Variants in GALNTL6 observed in about 807,000 individuals in gnomAD.
GALNTL6 encodes the protein polypeptide N-acetylgalactosaminyltransferase-like 6.
A neutral mutation model predicts 73.7 loss-of-function variants in GALNTL6; 46 were observed. The observed-to-expected ratio is 0.62, with a 90% CI of 0.49 to 0.80. The LOEUF (loss-of-function observed/expected upper bound fraction) is 0.80, where lower values mean the gene tolerates loss of function less well. Ranked by LOEUF, GALNTL6 falls within the 30% of genes least tolerant of loss-of-function variation. GALNTL6 has a pLI of 0.00. For synonymous variants in GALNTL6, 259 were observed against 263.7 expected (o/e 0.98, Z 0.17); for missense variants, 604 against 755.0 (o/e 0.80, Z 2.34).
rs1202548571 is a variant in GALNTL6 at position 172,049,511 on chromosome 4, G to A, written c.139-180145G>A. Among the ~76,000 whole-genome samples, 5 of 152,218 alleles carry A rather than the reference G, an allele frequency of 3.3e-5. No homozygotes were observed. The East Asian group carries it at 9.6e-4, about 29-fold the overall frequency. On this transcript the variant is annotated intron_variant, in intron 2 of 12. Coordinates refer to ENST00000506823, the MANE Select transcript of GALNTL6 (RefSeq NM_001034845.3). ...TTACTTAAATTATTAAATAGAAAAT[G>A]TAGTTTATCAGTAACAAGCCATATA... is the stretch of plus-strand genomic sequence containing the variant.
At chr4:171,897,117 A>G (rs1262546132) in intron 2 of GALNTL6, among the ~76,000 whole-genome samples, 1 of 152,136 alleles carries the variant, frequency 6.6e-6, no homozygotes, top group Admixed American at 6.5e-5. Flanking sequence ...AGTGTAAGTT[A>G]GAGACAAAAG....
intron 4 of GALNTL6, among the ~76,000 whole-genome samples, chr4:172,312,948 A>T (rs901308899): frequency 6.6e-6 from 1 of 152,162 alleles, no homozygotes; most frequent in South Asian, 2.1e-4. Flanking sequence ...TAACCAGCCA[A>T]ATTATCCCCA....
rs1330583766 is a variant in GALNTL6 at position 172,645,909 on chromosome 4, C to T, written c.554-163452C>T. On this transcript the variant is annotated intron_variant, in intron 5 of 12. Coordinates refer to ENST00000506823, the MANE Select transcript of GALNTL6 (RefSeq NM_001034845.3). ...ATTATTCCCTAAGTCTCTGAGTCTT[C>T]AGAGATAAGGATATTCCTTTCTCAG... 3.9e-5 allele frequency among the ~76,000 whole-genome samples: 6 copies of T among 152,010 alleles called. No individual in the cohort carries two copies. In the East Asian group the frequency reaches 1.2e-3, roughly 30 times the overall value.
chr4:172,942,360 T>C (rs565519353), intron 9 of GALNTL6, among the ~76,000 whole-genome samples: 6 of 152,346 alleles, frequency 3.9e-5, no homozygotes, highest in African/African-American at 9.6e-5. Flanking sequence ...CACAGTTTGT[T>C]TGAATGCTTG....
At chr4:172,270,802 A>G (rs1738620946) in intron 3 of GALNTL6, among the ~76,000 whole-genome samples, 1 of 151,182 alleles carries the variant, frequency 6.6e-6, no homozygotes, top group African/African-American at 2.4e-5. Flanking sequence ...CTATAGATAT[A>G]TAAAGGTATT....
At chr4:172,208,239 A>G (rs769663863) in intron 2 of GALNTL6, among the ~76,000 whole-genome samples, 1 of 152,232 alleles carries the variant, frequency 6.6e-6, no homozygotes, top group Non-Finnish European at 1.5e-5. Flanking sequence ...TTGAAAGCAT[A>G]CCTTTCCATT....
intron 2 of GALNTL6, among the ~76,000 whole-genome samples, chr4:172,205,418 T>G (rs1736077146): frequency 6.6e-6 from 1 of 152,200 alleles, no homozygotes; most frequent in African/African-American, 2.4e-5. Context: ...TCCACTTTTT[T>G]GGGAGAGATA....
chr4:172,591,194 A>G (rs1560824812), intron 5 of GALNTL6, among the ~76,000 whole-genome samples: 1 of 152,186 alleles, frequency 6.6e-6, no homozygotes, highest in East Asian at 1.9e-4. Flanking sequence ...ATTAAAGTTT[A>G]CTTTTAGGCA....
intron 5 of GALNTL6, among the ~76,000 whole-genome samples, chr4:172,739,246 G>A (rs1251756014): frequency 6.6e-6 from 1 of 152,154 alleles, no homozygotes; most frequent in Non-Finnish European, 1.5e-5. Context: ...ATACCAGTGA[G>A]ATTGTGGATG....
At chr4:172,721,133 A>G (rs182569631) in intron 5 of GALNTL6, among the ~76,000 whole-genome samples, 164 of 152,362 alleles carry the variant, frequency 1.1e-3, no homozygotes, top group South Asian at 2.9e-3. Flanking sequence ...GGATGCTTCT[A>G]AATTGCTTTG....
At chr4:172,332,303 T>C (rs1304418171) in intron 4 of GALNTL6, among the ~76,000 whole-genome samples, 2 of 152,174 alleles carry the variant, frequency 1.3e-5, no homozygotes, top group Non-Finnish European at 2.9e-5. Context: ...GGCATAATTA[T>C]CTAGTCAGAG....
intron 5 of GALNTL6, among the ~76,000 whole-genome samples, chr4:172,453,215 A>G (rs1561089817): frequency 6.6e-6 from 1 of 152,258 alleles, no homozygotes; most frequent in East Asian, 1.9e-4. Context: ...AAAAAAAAAA[A>G]AAGATGTGCA....
intron 7 of GALNTL6, among the ~76,000 whole-genome samples, chr4:172,831,969 G>A (rs914987302): frequency 3.9e-4 from 59 of 152,182 alleles, no homozygotes; most frequent in African/African-American, 1.4e-3. Context: ...ATTAATGTCT[G>A]TTGTGTGTAA....
At chr4:172,453,626 CT>C in intron 5 of GALNTL6, among the ~76,000 whole-genome samples, 1 of 152,328 alleles carries the variant, frequency 6.6e-6, no homozygotes, top group Non-Finnish European at 1.5e-5. Context: ...TTTTCACCAT[CT>C]GAAATTTGTC....
At chr4:172,592,897 A>G (rs1737707380) in intron 5 of GALNTL6, among the ~76,000 whole-genome samples, 1 of 152,182 alleles carries the variant, frequency 6.6e-6, no homozygotes, top group Admixed American at 6.5e-5. Context: ...CCCATATAAT[A>G]AATGAATGAC....
intron 2 of GALNTL6, among the ~76,000 whole-genome samples, chr4:171,876,219 T>C (rs778734348): frequency 6.6e-6 from 1 of 152,156 alleles, no homozygotes; most frequent in Non-Finnish European, 1.5e-5. Flanking sequence ...ATGGAACAGA[T>C]TCTGATATTT....
At chr4:172,889,959 A>G (rs1464717307) in intron 8 of GALNTL6, among the ~76,000 whole-genome samples, 2 of 152,040 alleles carry the variant, frequency 1.3e-5, no homozygotes, top group African/African-American at 4.8e-5. Context: ...CAGTATCTCA[A>G]TTTCTTCCTG....
chr4:172,940,370 T>A (rs1268092569), intron 9 of GALNTL6, among the ~76,000 whole-genome samples: 1 of 143,804 alleles, frequency 7.0e-6, no homozygotes, highest in African/African-American at 2.6e-5. Context: ...AGTAATTTTC[T>A]TTTTTTTTTT....
At chr4:172,592,716 C>CGA (rs1553963437) in intron 5 of GALNTL6, among the ~76,000 whole-genome samples, 13 of 151,654 alleles carry the variant, frequency 8.6e-5, no homozygotes, top group African/African-American at 1.9e-4. Context: ...ATCTATCTAT[C>CGA]GAGAGAGACT....
Sources: allele counts gnomAD v4.1 joint callset (sites outside exome capture counted in the v4.1 genomes callset), GRCh38; gene constraint gnomAD v4.1.1; transcripts MANE v1.5; gene names NCBI Gene and HGNC (gene_info 2026-07-23, HGNC 2026-07-21).